Variants in AGMO observed in about 807,000 individuals in gnomAD.
AGMO encodes alkylglycerol monooxygenase.
AGMO carries 75 observed loss-of-function variants against 60.2 expected under a neutral mutation model. That is an observed-to-expected ratio of 1.25 (90% CI 1.03 to 1.51). The LOEUF (loss-of-function observed/expected upper bound fraction) is 1.51. Ranked by LOEUF, AGMO falls within the 40% of genes most tolerant of loss-of-function variation. The pLI, the probability that AGMO is intolerant of heterozygous loss-of-function variation, is 0.00. For missense variants in AGMO, 763 were observed against 525.5 expected, an observed-to-expected ratio of 1.45 and a Z score of -4.42; for synonymous variants, 261 against 177.1, an observed-to-expected ratio of 1.47 and a Z score of -3.76.
intron 3 of AGMO, among the ~76,000 whole-genome samples, chr7:15,542,612 T>C (rs889438170): frequency 6.6e-6 from 1 of 152,184 alleles, no homozygotes; most frequent in Non-Finnish European, 1.5e-5. Context: ...TATAGTACAA[T>C]ATAAATGCCT....
the AGMO span, among the ~76,000 whole-genome samples, chr7:15,122,707 C>G: frequency 6.6e-6 from 1 of 152,076 alleles, no homozygotes; most frequent in African/African-American, 2.4e-5. Flanking sequence ...CTAAGAAATA[C>G]TGTTTTTATA....
rs143557812 is a variant in AGMO at position 15,375,282 on chromosome 7, G to C, written c.1075-9060C>G. ...CTTTTATTTTCTTACTAAGAAACAA[G>C]TGGATCTACAAACTAAATACCTTTT... is the stretch of plus-strand genomic sequence containing the variant. On this transcript the variant is annotated intron_variant, in intron 10 of 12. Transcript: ENST00000342526. Among the ~76,000 whole-genome samples the C allele has an allele frequency of 4.7e-4, 72 of 151,778 alleles. No individual in the cohort carries two copies. In the East Asian group the frequency reaches 0.013, roughly 27 times the overall value.
intron 12 of AGMO, among the ~76,000 whole-genome samples, chr7:15,235,099 G>C (rs1177149061): frequency 6.6e-6 from 1 of 151,984 alleles, no homozygotes; most frequent in Non-Finnish European, 1.5e-5. Context: ...CAAATCTATA[G>C]AAAAAGAGAT....
chr7:15,196,547 T>C (rs1415188229), downstream of AGMO, among the ~76,000 whole-genome samples: 2 of 152,220 alleles, frequency 1.3e-5, no homozygotes, highest in Non-Finnish European at 2.9e-5. Flanking sequence ...AGAGAAGTTC[T>C]CCTTCATTCT....
intron 12 of AGMO, among the ~76,000 whole-genome samples, chr7:15,342,972 T>C (rs1343595614): frequency 1.3e-5 from 2 of 151,920 alleles, no homozygotes; most frequent in African/African-American, 4.8e-5. Flanking sequence ...GAGCAGACTC[T>C]TGATAGTAGG....
chr7:15,160,092 C>T, the AGMO span, among the ~76,000 whole-genome samples: 3 of 152,158 alleles, frequency 2.0e-5, no homozygotes, highest in Non-Finnish European at 2.9e-5. Context: ...CTCTTGGAAA[C>T]ATACAGGTAA....
intron 12 of AGMO, among the ~76,000 whole-genome samples, chr7:15,221,672 T>C (rs1462659165): frequency 6.6e-6 from 1 of 152,126 alleles, no homozygotes; most frequent in Admixed American, 6.6e-5. Context: ...AATGAGCATA[T>C]GGAAGCTCTT....
intron 5 of AGMO, among the ~76,000 whole-genome samples, chr7:15,395,488 C>T (rs936735590): frequency 6.6e-6 from 1 of 151,982 alleles, no homozygotes; most frequent in African/African-American, 2.4e-5. Context: ...AAAATATTTT[C>T]ATTGGGAGTT....
chr7:15,398,700 T>A (rs1784474776), intron 5 of AGMO, among the ~76,000 whole-genome samples: 1 of 152,106 alleles, frequency 6.6e-6, no homozygotes, highest in South Asian at 2.1e-4. Flanking sequence ...TTTTAGAAGT[T>A]ATTTGTTTGT....
chr7:15,466,131 G>C (rs552556442), intron 3 of AGMO, among the ~76,000 whole-genome samples: 3 of 152,194 alleles, frequency 2.0e-5, no homozygotes, highest in African/African-American at 7.2e-5. Context: ...AATTGTTGCT[G>C]GTACAATGGT....
chr7:15,141,342 G>A, the AGMO span, among the ~76,000 whole-genome samples: 32 of 152,264 alleles, frequency 2.1e-4, no homozygotes, highest in Admixed American at 5.2e-4. Flanking sequence ...CCAACACTTT[G>A]GGAGGCCGCA....
At chr7:15,523,988 A>G (rs1009267767) in intron 3 of AGMO, among the ~76,000 whole-genome samples, 3 of 152,206 alleles carry the variant, frequency 2.0e-5, no homozygotes, top group Non-Finnish European at 4.4e-5. Flanking sequence ...TATTTTAGAT[A>G]CATATAAAAA....
chr7:15,217,863 T>C (rs547011564), intron 12 of AGMO, among the ~76,000 whole-genome samples: 1 of 152,190 alleles, frequency 6.6e-6, no homozygotes, highest in South Asian at 2.1e-4. Flanking sequence ...TAATTTATTG[T>C]TCGCCATAAT....
At chr7:15,485,282 A>G (rs1562530850) in intron 3 of AGMO, among the ~76,000 whole-genome samples, 1 of 151,994 alleles carries the variant, frequency 6.6e-6, no homozygotes, top group African/African-American at 2.4e-5. Flanking sequence ...ATGCCATTGC[A>G]CTCCAGGCTG....
chr7:15,227,355 T>C (rs1212374495), intron 12 of AGMO, among the ~76,000 whole-genome samples: 1 of 152,026 alleles, frequency 6.6e-6, no homozygotes, highest in Admixed American at 6.6e-5. Flanking sequence ...AATCAAGCTG[T>C]GTATATGGTT....
chr7:15,132,382 AG>A, the AGMO span, among the ~76,000 whole-genome samples: 2 of 152,168 alleles, frequency 1.3e-5, no homozygotes, highest in Non-Finnish European at 2.9e-5. Context: ...TAGTGCTATA[AG>A]GACAACAGAA....
chr7:15,551,341 T>C (rs1484783416), intron 2 of AGMO, among the ~76,000 whole-genome samples: 1 of 150,164 alleles, frequency 6.7e-6, no homozygotes, highest in Non-Finnish European at 1.5e-5. Context: ...GAGAAGGAAA[T>C]AAAGGGTATT....
chr7:15,276,248 T>G (rs1371734437), intron 12 of AGMO, among the ~76,000 whole-genome samples: 1 of 152,188 alleles, frequency 6.6e-6, no homozygotes, highest in Non-Finnish European at 1.5e-5. Context: ...ACCCTTAGCA[T>G]TTGTTTGTCT....
chr7:15,354,243 C>A (rs989854690), intron 12 of AGMO, among the ~76,000 whole-genome samples: 2 of 147,028 alleles, frequency 1.4e-5, no homozygotes, highest in African/African-American at 5.1e-5. Flanking sequence ...TGTACCATTA[C>A]AGAACAGTAA....
Sources: gnomAD v4.1 joint callset for allele counts (sites outside exome capture counted in the v4.1 genomes callset) on GRCh38, gnomAD v4.1.1 for gene constraint, MANE v1.5 for transcripts, NCBI Gene and HGNC (gene_info 2026-07-23, HGNC 2026-07-21) for gene names.